STK32C: variants seen among roughly 807,000 people sequenced by gnomAD.
STK32C encodes serine/threonine kinase 32C, also known as serine/threonine-protein kinase 32C.
Under a neutral mutation model 56.5 loss-of-function variants are expected in STK32C, and 31 were observed. The observed-to-expected ratio is 0.55, with a 90% CI of 0.41 to 0.74. The LOEUF (loss-of-function observed/expected upper bound fraction) is 0.74. Among genes scored for constraint, STK32C ranks in the 30% least tolerant of loss-of-function variants. The probability of loss-of-function intolerance (pLI) is 0.00; values close to 1 mark genes in which losing one functional copy is unlikely to be tolerated. For synonymous variants in STK32C, 309 were observed against 289.4 expected, an observed-to-expected ratio of 1.07 and a Z score of -0.69; for missense variants, 544 against 676.9, an observed-to-expected ratio of 0.80 and a Z score of 2.18.
chr10:132,257,963 TCTC>T lies in STK32C; in HGVS notation c.263-12011_263-12009del, dbSNP rs781679342. Among the ~76,000 whole-genome samples, 5 of 152,184 alleles carry T rather than the reference TCTC, an allele frequency of 3.3e-5. No individual in the cohort carries two copies. In the South Asian group the frequency reaches 6.2e-4, roughly 19 times the overall value. On this transcript the variant is annotated intron_variant, in intron 1 of 11. Coordinates refer to ENST00000298630, the MANE Select transcript of STK32C (RefSeq NM_173575.4). ...CATGGGCTGCAAAGACCAGCAAGGCTCTCCTCAGTGCACGGACTCCACCTGCCC... is the reference window on the plus strand; with the variant it reads ...CATGGGCTGCAAAGACCAGCAAGGCTCTCAGTGCACGGACTCCACCTGCCC...
upstream of STK32C, among the ~76,000 whole-genome samples, chr10:132,309,650 T>C (rs1334304089): frequency 6.6e-6 from 1 of 152,162 alleles, no homozygotes; most frequent in Non-Finnish European, 1.5e-5. Flanking sequence ...GTTCAGCACC[T>C]GCCTCAGAGG....
At chr10:132,306,619 G>A (rs1452963428) in intron 1 of STK32C, among the ~76,000 whole-genome samples, 1 of 152,250 alleles carries the variant, frequency 6.6e-6, no homozygotes, top group African/African-American at 2.4e-5. Flanking sequence ...CCTGGCTCCT[G>A]AGCGCTGGGC....
At chr10:132,319,031 C>T (rs1289212814) in intron 1 of STK32C, among the ~76,000 whole-genome samples, 1 of 152,220 alleles carries the variant, frequency 6.6e-6, no homozygotes, top group African/African-American at 2.4e-5. Flanking sequence ...TCACTGCAAC[C>T]TCCACGTCCT....
intron 10 of STK32C, among the ~76,000 whole-genome samples, chr10:132,221,255 GCCAT>G (rs1565069941): frequency 6.6e-6 from 1 of 151,294 alleles, no homozygotes; most frequent in Non-Finnish European, 1.5e-5. Flanking sequence ...GCTTCACGTG[GCCAT>G]CCCCACACAC....
intron 1 of STK32C, among the ~76,000 whole-genome samples, chr10:132,281,434 G>A (rs1478152356): frequency 6.6e-6 from 1 of 152,040 alleles, no homozygotes; most frequent in African/African-American, 2.4e-5. Context: ...TATTCCTAAC[G>A]TACCTTACCG....
At chr10:132,219,038 G>T (rs1421010307) in intron 10 of STK32C, among the ~76,000 whole-genome samples, 2 of 152,204 alleles carry the variant, frequency 1.3e-5, no homozygotes, top group South Asian at 4.1e-4. Flanking sequence ...GCTGCCAGGG[G>T]AGGGGAGAAG....
intron 10 of STK32C, among the ~76,000 whole-genome samples, chr10:132,220,119 G>A (rs888759945): frequency 6.6e-6 from 1 of 152,256 alleles, no homozygotes; most frequent in African/African-American, 2.4e-5. Flanking sequence ...ATTTGGAAGT[G>A]AGGTCTTTGC....
Position 132,230,467 on chromosome 10 carries a change from G to A in STK32C, c.319-2339C>T, listed in dbSNP as rs368697664. On this transcript the variant is annotated intron_variant, in intron 2 of 11. Transcript: ENST00000298630. The stretch of plus-strand genomic sequence containing the variant: ...CTTTCCTGCGCCAGCCCCAGCACCC[G>A]CGGCCTCCTGCAGACGGTCACTGCA... Among the ~76,000 whole-genome samples, 568 of 152,348 alleles carry A rather than the reference G, an allele frequency of 3.7e-3. 13 individuals are homozygous for A. In the South Asian group the frequency reaches 0.064, roughly 17 times the overall value.
intron 1 of STK32C, among the ~76,000 whole-genome samples, chr10:132,270,072 G>T (rs1022808019): frequency 1.3e-5 from 2 of 152,236 alleles, no homozygotes; most frequent in Non-Finnish European, 2.9e-5. Context: ...CCCTCAACCT[G>T]TGGCAGGGGA....
chr10:132,220,683 GA>G (rs1214352758), intron 10 of STK32C, among the ~76,000 whole-genome samples: 2 of 152,152 alleles, frequency 1.3e-5, no homozygotes, highest in Admixed American at 1.3e-4. Flanking sequence ...AGTTTTAAGG[GA>G]AACATTTCAA....
At chr10:132,213,007 G>A (rs560119692) in intron 10 of STK32C, among the ~76,000 whole-genome samples, 10 of 152,214 alleles carry the variant, frequency 6.6e-5, no homozygotes, top group South Asian at 4.1e-4. Context: ...CTGCGGCTGC[G>A]GTCTTATGAG....
chr10:132,331,905 G>A (rs1184566768), upstream of STK32C: 12 of 874,516 alleles, frequency 1.4e-5, no homozygotes, highest in Non-Finnish European at 2.0e-5. Flanking sequence ...CCCCCGCGCA[G>A]GCGCACCACA....
At chr10:132,230,426 C>T (rs1030751081) in intron 2 of STK32C, among the ~76,000 whole-genome samples, 3 of 152,216 alleles carry the variant, frequency 2.0e-5, no homozygotes, top group Admixed American at 6.5e-5. Context: ...TCTGCACAGG[C>T]GCAGAAGCAA....
chr10:132,216,772 G>T (rs1343486634), intron 10 of STK32C, among the ~76,000 whole-genome samples: 1 of 152,236 alleles, frequency 6.6e-6, no homozygotes, highest in African/African-American at 2.4e-5. Context: ...GGCTTCAGAG[G>T]GTACAAGCCC....
rs753955790 is a variant in STK32C, at chr10:132,255,244, G to A, written c.263-9289C>T. 6.6e-6 allele frequency among the ~76,000 whole-genome samples: 1 copy of A among 152,132 alleles called. No individual in the cohort carries two copies. The highest frequency in any genetic ancestry group is 1.5e-5 in the Non-Finnish European group (1 of 68,030). On this transcript the variant is annotated intron_variant, in intron 1 of 11. Transcript: ENST00000298630. The surrounding 1 kb of genome is among the most constrained non-coding windows in gnomAD (Gnocchi z 4.6). ...CCCGCAGAGCTTGTGCAGCCTCTGG[G>A]GATGTCTGGCCCACACGGGGCTCCT... is the stretch of plus-strand genomic sequence containing the variant.
intron 1 of STK32C, among the ~76,000 whole-genome samples, chr10:132,287,544 C>T (rs1413221012): frequency 2.0e-5 from 3 of 150,798 alleles, no homozygotes; most frequent in Non-Finnish European, 4.4e-5. Context: ...CTCCACCTCC[C>T]GGGTTCAAGT....
At chr10:132,322,155 A>G (rs778587444), downstream of STK32C, among the ~76,000 whole-genome samples, 4 of 152,218 alleles carry the variant, frequency 2.6e-5, no homozygotes, top group Non-Finnish European at 5.9e-5. Flanking sequence ...CATTTCTCTG[A>G]CAGCTAGTAA....
At chr10:132,237,387 A>G (rs2063331683) in intron 2 of STK32C, among the ~76,000 whole-genome samples, 1 of 152,240 alleles carries the variant, frequency 6.6e-6, no homozygotes, top group Non-Finnish European at 1.5e-5. Flanking sequence ...GAGAAAATGG[A>G]TATGAAAGTT....
intron 1 of STK32C, among the ~76,000 whole-genome samples, chr10:132,288,263 G>GA (rs1226799868): frequency 6.6e-6 from 1 of 152,154 alleles, no homozygotes; most frequent in African/African-American, 2.4e-5. Context: ...GAAAACACAG[G>GA]AAAAAATCCT....
Sources: allele counts gnomAD v4.1 joint callset (sites outside exome capture counted in the v4.1 genomes callset), GRCh38; gene constraint gnomAD v4.1.1; non-coding constraint Gnocchi (gnomAD v3.1); transcripts MANE v1.5; gene names NCBI Gene and HGNC (gene_info 2026-07-23, HGNC 2026-07-21).